The following SPOCK1 variants were observed in gnomAD, a reference collection of about 807,000 sequenced individuals.
The protein encoded by SPOCK1 is testican-1.
SPOCK1 carries 23 observed loss-of-function variants against 55.3 expected under a neutral mutation model. The ratio of observed to expected loss-of-function variants is 0.42; its 90% CI spans 0.30 to 0.59. The LOEUF (loss-of-function observed/expected upper bound fraction) is 0.59, where lower values mean the gene tolerates loss of function less well. Among genes scored for constraint, SPOCK1 ranks in the 20% least tolerant of loss-of-function variants. The pLI, the probability that SPOCK1 is intolerant of heterozygous loss-of-function variation, is 0.22. For missense variants in SPOCK1, 499 were observed against 552.5 expected (o/e 0.90, Z 0.97); for synonymous variants, 226 against 221.0 (o/e 1.02, Z -0.20).
chr5:137,335,586 G>A (rs1351241554), intron 2 of SPOCK1, among the ~76,000 whole-genome samples: 1 of 152,146 alleles, frequency 6.6e-6, no homozygotes. Flanking sequence ...CACTGCTTAC[G>A]GCCTCTGCAA....
chr5:137,327,744 G>A (rs1408594902), intron 2 of SPOCK1, among the ~76,000 whole-genome samples: 1 of 151,480 alleles, frequency 6.6e-6, no homozygotes, highest in African/African-American at 2.5e-5. Context: ...AAAACACATA[G>A]CTCTTAGAGT....
At chr5:137,271,392 T>A (rs1309986301) in intron 2 of SPOCK1, among the ~76,000 whole-genome samples, 1 of 148,734 alleles carries the variant, frequency 6.7e-6, no homozygotes, top group Non-Finnish European at 1.5e-5. Context: ...ATATATAATA[T>A]ATATTATTAA....
At chr5:136,986,835 T>C (rs1271370607) in intron 8 of SPOCK1, among the ~76,000 whole-genome samples, 2 of 152,200 alleles carry the variant, frequency 1.3e-5, no homozygotes, top group African/African-American at 2.4e-5. Flanking sequence ...ATTATACAGC[T>C]ATTGATTTTT....
At chr5:137,476,924 CA>C (rs533328170) in intron 2 of SPOCK1, among the ~76,000 whole-genome samples, 65 of 144,950 alleles carry the variant, frequency 4.5e-4, no homozygotes, top group African/African-American at 1.4e-3. Flanking sequence ...GACTCTGTCT[CA>C]AAAAAAAAAG....
intron 2 of SPOCK1, among the ~76,000 whole-genome samples, chr5:137,435,881 G>A (rs973952004): frequency 1.5e-4 from 23 of 151,760 alleles, no homozygotes; most frequent in Non-Finnish European, 1.9e-4. Flanking sequence ...TTAGCTGGGC[G>A]CGGTGGCTCA....
intron 6 of SPOCK1, among the ~76,000 whole-genome samples, chr5:137,044,695 A>C (rs2126993936): frequency 6.6e-6 from 1 of 151,752 alleles, no homozygotes; most frequent in Admixed American, 6.6e-5. Context: ...CACATTGTGC[A>C]GGTTAGTTAC....
intron 2 of SPOCK1, among the ~76,000 whole-genome samples, chr5:137,344,491 A>G (rs1426229300): frequency 6.6e-6 from 1 of 152,220 alleles, no homozygotes; most frequent in East Asian, 1.9e-4. Context: ...TTCTTAAGCA[A>G]AAGTGATTTT....
chr5:137,310,727 T>C (rs908066720), intron 2 of SPOCK1, among the ~76,000 whole-genome samples: 1 of 152,240 alleles, frequency 6.6e-6, no homozygotes, highest in Non-Finnish European at 1.5e-5. Context: ...TCATCATTAA[T>C]TGCTGCAAAG....
chr5:136,986,201 A>G (rs1750837888), intron 8 of SPOCK1, among the ~76,000 whole-genome samples: 2 of 152,130 alleles, frequency 1.3e-5, no homozygotes, highest in African/African-American at 2.4e-5. Flanking sequence ...AAAAGGTAGC[A>G]TTTCCTGGAT....
At chr5:137,096,842 T>A (rs1427709993) in intron 5 of SPOCK1, among the ~76,000 whole-genome samples, 1 of 152,176 alleles carries the variant, frequency 6.6e-6, no homozygotes, top group Admixed American at 6.5e-5. Flanking sequence ...TGTAGTTCTG[T>A]CATAGTGGCT....
intron 3 of SPOCK1, among the ~76,000 whole-genome samples, chr5:137,242,692 T>C (rs940516047): frequency 1.3e-5 from 2 of 152,178 alleles, no homozygotes; most frequent in African/African-American, 4.8e-5. Flanking sequence ...GAGCTGTGAT[T>C]TCGCCACTGC....
chr5:137,227,416 A>T (rs1560931), intron 3 of SPOCK1, among the ~76,000 whole-genome samples: 128,900 of 152,202 alleles, frequency 0.85, 54,606 homozygotes, highest in African/African-American at 0.86. Flanking sequence ...TTTGAAAGCA[A>T]GAGCAGAATT....
At chr5:137,418,850 G>T (rs906860841) in intron 2 of SPOCK1, among the ~76,000 whole-genome samples, 5 of 152,238 alleles carry the variant, frequency 3.3e-5, no homozygotes, top group African/African-American at 1.2e-4. Context: ...CATTGCTTTT[G>T]GTGTTTTAGA....
At chr5:137,474,719 T>C (rs576411668) in intron 2 of SPOCK1, among the ~76,000 whole-genome samples, 1 of 152,282 alleles carries the variant, frequency 6.6e-6, no homozygotes, top group South Asian at 2.1e-4. Context: ...TTGGGACAAT[T>C]AGTGCATCAA....
intron 3 of SPOCK1, among the ~76,000 whole-genome samples, chr5:137,204,266 A>C (rs1755481996): frequency 6.6e-6 from 1 of 152,222 alleles, no homozygotes; most frequent in Non-Finnish European, 1.5e-5. Context: ...AGTGATATTA[A>C]GCCAGTAGCA....
At chr5:137,347,752 C>A (rs985822218) in intron 2 of SPOCK1, among the ~76,000 whole-genome samples, 3 of 150,982 alleles carry the variant, frequency 2.0e-5, no homozygotes, top group South Asian at 2.1e-4. Flanking sequence ...AACAAACAAA[C>A]AAAAAAAAAC....
At chr5:137,481,698 A>G (rs899583218) in intron 2 of SPOCK1, among the ~76,000 whole-genome samples, 1 of 152,218 alleles carries the variant, frequency 6.6e-6, no homozygotes, top group Non-Finnish European at 1.5e-5. Flanking sequence ...CTCTTGTTGG[A>G]TGATGGGTCA....
chr5:137,197,314 C>T (rs532078361), intron 3 of SPOCK1, among the ~76,000 whole-genome samples: 137 of 152,262 alleles, frequency 9.0e-4, no homozygotes, highest in African/African-American at 3.2e-3. Context: ...GATCGAGATA[C>T]TCTGGGAGAT....
At chr5:137,058,766 C>A (rs59960380) in intron 6 of SPOCK1, among the ~76,000 whole-genome samples, 1,603 of 152,092 alleles carry the variant, frequency 0.011, 37 homozygotes, top group African/African-American at 0.037. Context: ...ACGGAGTGGC[C>A]CCATGGATGT....
Sources: gnomAD v4.1 joint callset for allele counts (sites outside exome capture counted in the v4.1 genomes callset) on GRCh38, gnomAD v4.1.1 for gene constraint, MANE v1.5 for transcripts, NCBI Gene and HGNC (gene_info 2026-07-23, HGNC 2026-07-21) for gene names.